The following FGGY variants were observed in gnomAD, a reference collection of about 807,000 sequenced individuals.
The protein encoded by FGGY is FGGY carbohydrate kinase domain-containing protein.
FGGY carries 72 observed loss-of-function variants against 71.3 expected under a neutral mutation model. The observed-to-expected ratio is 1.01, with a 90% confidence interval of 0.84 to 1.23. FGGY has a LOEUF of 1.23. Among genes scored for constraint, FGGY ranks in the 50% most tolerant of loss-of-function variants. The pLI is 0.00. For synonymous variants in FGGY, 251 were observed against 250.3 expected (o/e 1.00, Z -0.02); for missense variants, 668 against 682.3 (o/e 0.98, Z 0.23).
chr1:59,595,443 C>A (rs1345397217), intron 8 of FGGY, among the ~76,000 whole-genome samples: 1 of 152,140 alleles, frequency 6.6e-6, no homozygotes, highest in Non-Finnish European at 1.5e-5. Flanking sequence ...GTAATCCCAG[C>A]ACTTTAGGAG....
intron 12 of FGGY, among the ~76,000 whole-genome samples, chr1:59,662,018 C>A (rs1193517343): frequency 6.9e-6 from 1 of 145,294 alleles, no homozygotes; most frequent in South Asian, 2.3e-4. Context: ...CGCACCTGGC[C>A]GAGTTAAGAG....
chr1:59,733,032 C>A lies in FGGY; in HGVS notation c.1513-24899C>A, dbSNP rs146720840. Among the ~76,000 whole-genome samples, 369 of 152,176 alleles carry A rather than the reference C, an allele frequency of 2.4e-3. 3 individuals carry two copies. Among genetic ancestry groups the A allele is most frequent in the African/African-American group, 8.6e-3 (356 of 41,522 alleles). On this transcript the variant is annotated intron_variant, in intron 14 of 15. Transcript: ENST00000303721. ...TGGAGCCAGATTGCCTGAGTTTAAT[C>A]CAGGTTTCCCTACTCGCTACTACTA...
chr1:59,462,786 G>A (rs1019262047), intron 6 of FGGY, among the ~76,000 whole-genome samples: 33 of 152,106 alleles, frequency 2.2e-4, no homozygotes, highest in Admixed American at 5.9e-4. Flanking sequence ...TAGAATGGCA[G>A]TCATTAAAAA....
chr1:59,640,392 C>G (rs1169374961), intron 11 of FGGY, among the ~76,000 whole-genome samples: 1 of 152,170 alleles, frequency 6.6e-6, no homozygotes, highest in Admixed American at 6.5e-5. Context: ...ACGATGATGC[C>G]TATCTCCAGC....
intron 6 of FGGY, among the ~76,000 whole-genome samples, chr1:59,465,117 C>A (rs2407598): frequency 0.51 from 78,285 of 152,012 alleles, 20,784 homozygotes; most frequent in African/African-American, 0.64. Flanking sequence ...TCCTCAATAA[C>A]GTACTGGCAA....
In FGGY at chr1:59,398,652, A is replaced by G. The variant is rs118015657; in HGVS notation, c.554+19815A>G. ...GGCTTTTGGTTGTGAGCATCAGTTC[A>G]TATCCAGTTTTGGGGACCACTCTTG... On this transcript the variant is annotated intron_variant, in intron 5 of 15. Transcript: ENST00000303721. Among the ~76,000 whole-genome samples the G allele has an allele frequency of 3.8e-3, 576 of 152,252 alleles. 15 individuals are homozygous for G. In the East Asian group the frequency reaches 0.056, roughly 15 times the overall value.
intron 5 of FGGY, among the ~76,000 whole-genome samples, chr1:59,395,780 G>A (rs915781648): frequency 6.6e-6 from 1 of 152,160 alleles, no homozygotes; most frequent in Admixed American, 6.6e-5. Context: ...TAAGGAACTT[G>A]CCGGTGGTCA....
At chr1:59,744,323 C>T (rs951322435) in intron 14 of FGGY, among the ~76,000 whole-genome samples, 15 of 152,260 alleles carry the variant, frequency 9.9e-5, no homozygotes, top group Non-Finnish European at 1.6e-4. Context: ...TGGATTCAAG[C>T]GATTCTCCTG....
chr1:59,528,610 G>A (rs992634483), intron 7 of FGGY, among the ~76,000 whole-genome samples: 6 of 152,090 alleles, frequency 3.9e-5, no homozygotes, highest in African/African-American at 1.4e-4. Flanking sequence ...TTAGGCTGTC[G>A]ATCTGTATTG....
At chr1:59,578,250 G>A (rs2096119870) in intron 8 of FGGY, among the ~76,000 whole-genome samples, 5 of 152,088 alleles carry the variant, frequency 3.3e-5, no homozygotes, top group Admixed American at 3.3e-4. Flanking sequence ...CCCAGAGCAG[G>A]ACTTGATCAC....
chr1:59,421,818 C>CA, intron 5 of FGGY, among the ~76,000 whole-genome samples: 1 of 152,090 alleles, frequency 6.6e-6, no homozygotes, highest in East Asian at 1.9e-4. Context: ...ACTAGACTAC[C>CA]ACTCCACAGT....
chr1:59,424,075 A>C (rs1201248832), intron 5 of FGGY, among the ~76,000 whole-genome samples: 5 of 152,228 alleles, frequency 3.3e-5, no homozygotes, highest in Non-Finnish European at 7.3e-5. Context: ...GTGAATAGGC[A>C]AATAAAGATG....
intron 7 of FGGY, among the ~76,000 whole-genome samples, chr1:59,532,683 G>C (rs952221781): frequency 6.6e-6 from 1 of 151,650 alleles, no homozygotes. Flanking sequence ...TATCAACAAA[G>C]AAAAAAACAT....
chr1:59,607,601 A>G (rs2096635569), intron 8 of FGGY, among the ~76,000 whole-genome samples: 1 of 152,196 alleles, frequency 6.6e-6, no homozygotes, highest in Non-Finnish European at 1.5e-5. Context: ...GACCATTTTT[A>G]TTACCTTAAC....
At chr1:59,584,680 C>A (rs907017513) in intron 8 of FGGY, among the ~76,000 whole-genome samples, 4 of 149,700 alleles carry the variant, frequency 2.7e-5, no homozygotes. Flanking sequence ...GGCAATCAGG[C>A]AGGAGAAGGA....
chr1:59,313,580 ACACG>A (rs1237319625), intron 1 of FGGY, among the ~76,000 whole-genome samples: 1 of 152,024 alleles, frequency 6.6e-6, no homozygotes, highest in Non-Finnish European at 1.5e-5. Context: ...ACACACACAC[ACACG>A]CACGCACACA....
chr1:59,615,359 A>G (rs1345405011), intron 9 of FGGY, among the ~76,000 whole-genome samples: 1 of 152,192 alleles, frequency 6.6e-6, no homozygotes, highest in Non-Finnish European at 1.5e-5. Context: ...ATCTACAACT[A>G]TCTGATTTTT....
chr1:59,465,465 C>T (rs144559459), intron 6 of FGGY, among the ~76,000 whole-genome samples: 23,346 of 152,048 alleles, frequency 0.15, 2,088 homozygotes, highest in Non-Finnish European at 0.21. Flanking sequence ...GATGCCCTCT[C>T]TCACCACTCC....
In FGGY at chr1:59,624,667, G is replaced by A. The variant is rs535181115; in HGVS notation, c.1012-1321G>A. ...AGGCGAAAGGCATGTCTAACATGGC[G>A]GCAGGCAAGAGGGAATGAGAGCCAA... On this transcript the variant is annotated intron_variant, in intron 9 of 15. Transcript: ENST00000303721. Among the ~76,000 whole-genome samples, 82 of 152,216 alleles carry A rather than the reference G, an allele frequency of 5.4e-4. No individual in the cohort carries two copies. The Middle Eastern group carries it at 0.014, about 25-fold the overall frequency.
Sources: allele counts gnomAD v4.1 joint callset (sites outside exome capture counted in the v4.1 genomes callset), GRCh38; gene constraint gnomAD v4.1.1; transcripts MANE v1.5; gene names NCBI Gene and HGNC (gene_info 2026-07-23, HGNC 2026-07-21).